The following TBC1D5 variants were observed in gnomAD, a reference collection of about 807,000 sequenced individuals.
TBC1D5 encodes TBC1 domain family, member 5.
In TBC1D5, 75 loss-of-function variants were observed where a neutral mutation model predicts 100.3. The observed-to-expected ratio is 0.75, with a 90% CI of 0.62 to 0.91. The LOEUF (loss-of-function observed/expected upper bound fraction) is 0.91. Among genes scored for constraint, TBC1D5 ranks in the 40% least tolerant of loss-of-function variants. The pLI, the probability that TBC1D5 is intolerant of heterozygous loss-of-function variation, is 0.00. For synonymous variants in TBC1D5, 323 were observed against 325.6 expected, an observed-to-expected ratio of 0.99 and a Z score of 0.09; for missense variants, 910 against 942.4, an observed-to-expected ratio of 0.97 and a Z score of 0.45.
intron 17 of TBC1D5, among the ~76,000 whole-genome samples, chr3:17,223,783 T>C (rs1453207701): frequency 6.6e-6 from 1 of 152,034 alleles, no homozygotes; most frequent in Non-Finnish European, 1.5e-5. Context: ...ACTTGAACCC[T>C]GTAGTCCCAG....
At chr3:17,339,268 C>T (rs889998670) in intron 13 of TBC1D5, among the ~76,000 whole-genome samples, 1 of 152,172 alleles carries the variant, frequency 6.6e-6, no homozygotes, top group African/African-American at 2.4e-5. Flanking sequence ...GGACTTTATT[C>T]TGTCACGATT....
chr3:17,243,485 A>C (rs1436261102), intron 16 of TBC1D5, among the ~76,000 whole-genome samples: 1 of 152,172 alleles, frequency 6.6e-6, no homozygotes, highest in African/African-American at 2.4e-5. Context: ...CTCTACCTCC[A>C]AAATGTGTAC....
intron 1 of TBC1D5, among the ~76,000 whole-genome samples, chr3:17,703,932 TA>T (rs968261754): frequency 7.3e-5 from 11 of 150,398 alleles, no homozygotes; most frequent in Non-Finnish European, 1.2e-4. Flanking sequence ...TTTTTTAATT[TA>T]TTTTTTTATT....
At chr3:17,311,263 T>G (rs1055451398) in intron 13 of TBC1D5, among the ~76,000 whole-genome samples, 1 of 152,062 alleles carries the variant, frequency 6.6e-6, no homozygotes, top group Admixed American at 6.6e-5. Flanking sequence ...TCAATCTTGC[T>G]TTATGTATGT....
rs140635795 is a variant in TBC1D5 at position 17,565,943 on chromosome 3, C to T, written c.-35-57338G>A. Among the ~76,000 whole-genome samples, 8 of 152,074 alleles carry T rather than the reference C, an allele frequency of 5.3e-5. No individual in the cohort carries two copies. The East Asian group carries it at 1.4e-3, about 26-fold the overall frequency. ...CTGCCGTATCCTTCCTATATTATAA[C>T]ATTATAGCACAATATTTGAGATTGC... On this transcript the variant is annotated intron_variant, in intron 2 of 21. Coordinates refer to ENST00000253692, the Ensembl canonical transcript of TBC1D5.
At chr3:17,460,234 C>G (rs1338723768) in intron 3 of TBC1D5, among the ~76,000 whole-genome samples, 3 of 152,240 alleles carry the variant, frequency 2.0e-5, no homozygotes, top group African/African-American at 7.2e-5. Flanking sequence ...ACAAAAACTA[C>G]CTGGGAATTC....
At chr3:17,592,729 G>A (rs556931477) in intron 2 of TBC1D5, among the ~76,000 whole-genome samples, 6 of 152,336 alleles carry the variant, frequency 3.9e-5, no homozygotes, top group Non-Finnish European at 8.8e-5. Flanking sequence ...TGGTCCTTGA[G>A]GTGTCAGTGG....
intron 3 of TBC1D5, among the ~76,000 whole-genome samples, chr3:17,437,622 TAG>T (rs58492511): frequency 2.4e-3 from 272 of 115,180 alleles, no homozygotes; most frequent in African/African-American, 4.1e-3. Context: ...GAGACAGAGG[TAG>T]AGAGAGAGAG....
rs566602856 is a variant in TBC1D5, at chr3:17,690,954, G to GA, written c.-101+48388dup. Among the ~76,000 whole-genome samples, 56 of 151,694 alleles carry GA rather than the reference G, an allele frequency of 3.7e-4. 1 individual carries two copies. In the South Asian group the frequency reaches 4.8e-3, roughly 13 times the overall value. Reference sequence around the variant, plus strand: ...ATTCAAATCTAACTTTAAAACAGAGGAAAAAAAATCTGTTTAAGGGTTTAG... The same window carrying GA: ...ATTCAAATCTAACTTTAAAACAGAGGAAAAAAAAATCTGTTTAAGGGTTTAG... On this transcript the variant is annotated intron_variant, in intron 1 of 21. Transcript: ENST00000253692.
At chr3:17,265,753 C>G (rs756071289) in intron 15 of TBC1D5, among the ~76,000 whole-genome samples, 1 of 152,102 alleles carries the variant, frequency 6.6e-6, no homozygotes, top group Non-Finnish European at 1.5e-5. Flanking sequence ...CATCCAAGTG[C>G]AGAGATGCCA....
At chr3:17,637,044 C>A (rs1560342441) in intron 1 of TBC1D5, among the ~76,000 whole-genome samples, 1 of 148,044 alleles carries the variant, frequency 6.8e-6, no homozygotes, top group Non-Finnish European at 1.5e-5. Flanking sequence ...TTTTTTGAGA[C>A]GGAGTGTCAC....
At chr3:17,624,379 G>GCC (rs1313666368) in intron 1 of TBC1D5, among the ~76,000 whole-genome samples, 1 of 152,024 alleles carries the variant, frequency 6.6e-6, no homozygotes, top group East Asian at 1.9e-4. Flanking sequence ...ACAAAGATAA[G>GCC]CCAACTGTTT....
intron 1 of TBC1D5, among the ~76,000 whole-genome samples, chr3:17,684,872 A>T (rs907867242): frequency 1.3e-5 from 2 of 152,068 alleles, no homozygotes; most frequent in Non-Finnish European, 2.9e-5. Context: ...TTTATTCGTC[A>T]AGAATCCAAA....
intron 3 of TBC1D5, among the ~76,000 whole-genome samples, chr3:17,462,322 ATTTTTT>A (rs527597868): frequency 7.5e-6 from 1 of 132,660 alleles, no homozygotes; most frequent in Non-Finnish European, 1.6e-5. Flanking sequence ...TCGGACCTTA[ATTTTTT>A]TTTTTTTTTT....
intron 2 of TBC1D5, among the ~76,000 whole-genome samples, chr3:17,604,309 CT>C (rs1316884922): frequency 1.3e-5 from 2 of 152,142 alleles, no homozygotes; most frequent in African/African-American, 4.8e-5. Flanking sequence ...ACTCATCACT[CT>C]TAACAGAAGA....
In TBC1D5 at chr3:17,545,456, TACGACAGTCCTAGCAAACCAATA is replaced by T. The variant is rs2096405543; in HGVS notation, c.-35-36874_-35-36852del. Among the ~76,000 whole-genome samples, 10 of 152,342 alleles carry T rather than the reference TACGACAGTCCTAGCAAACCAATA, an allele frequency of 6.6e-5. No homozygotes were observed. In the South Asian group the frequency reaches 2.1e-3, roughly 32 times the overall value. On this transcript the variant is annotated intron_variant, in intron 2 of 21. Transcript: ENST00000253692. ...AGCCACTAAGTTTGTGGTACCGTGT[TACGACAGTCCTAGCAAACCAATA>T]CAGAACCTTTCTTATTTACTTTTCT... is the stretch of plus-strand genomic sequence containing the variant.
chr3:17,354,568 A>G (rs2091010802), intron 13 of TBC1D5, among the ~76,000 whole-genome samples: 1 of 152,134 alleles, frequency 6.6e-6, no homozygotes, highest in Non-Finnish European at 1.5e-5. Flanking sequence ...AGTTGGTATT[A>G]TAAAGATGCC....
At chr3:17,504,607 T>C (rs1460862249) in intron 3 of TBC1D5, among the ~76,000 whole-genome samples, 1 of 152,088 alleles carries the variant, frequency 6.6e-6, no homozygotes, top group African/African-American at 2.4e-5. Context: ...GCCATGCACA[T>C]CACAGTCAAC....
chr3:17,161,243 G>A (rs778957080), exon 22 of TBC1D5: 21 of 1,611,792 alleles, frequency 1.3e-5, no homozygotes, highest in Admixed American at 5.0e-5. Context: ...GCACCCTGGC[G>A]TTTCTGAAGA....
Sources: gnomAD v4.1 joint callset for allele counts (sites outside exome capture counted in the v4.1 genomes callset) on GRCh38, gnomAD v4.1.1 for gene constraint, MANE v1.5 for transcripts, NCBI Gene and HGNC (gene_info 2026-07-23, HGNC 2026-07-21) for gene names.